The following SNAP47 variants were observed in gnomAD, a reference collection of about 807,000 sequenced individuals.
SNAP47 encodes the protein synaptosomal-associated protein 47.
SNAP47 carries 20 observed loss-of-function variants against 31.4 expected under a neutral mutation model. That is an observed-to-expected ratio of 0.64 (90% CI 0.45 to 0.93). The LOEUF (loss-of-function observed/expected upper bound fraction) is 0.93, where lower values mean the gene tolerates loss of function less well. Among genes scored for constraint, SNAP47 ranks in the 40% least tolerant of loss-of-function variants. The pLI is 0.00. For missense variants in SNAP47, 492 were observed against 528.5 expected (o/e 0.93, Z 0.68); for synonymous variants, 194 against 213.4 (o/e 0.91, Z 0.79).
intron 4 of SNAP47, among the ~76,000 whole-genome samples, chr1:227,777,744 C>A (rs1664246133): frequency 6.6e-6 from 1 of 152,164 alleles, no homozygotes; most frequent in South Asian, 2.1e-4. Context: ...TTAGTGTCAT[C>A]CTGCCAAAGA....
chr1:227,736,994 C>G (rs774961753), intron 1 of SNAP47, among the ~76,000 whole-genome samples: 3 of 152,170 alleles, frequency 2.0e-5, no homozygotes, highest in East Asian at 1.9e-4. Context: ...AGGCCGTTTT[C>G]TTTGTAGTAA....
intron 4 of SNAP47, chr1:227,770,887 A>T (rs1031692700): frequency 4.6e-5 from 7 of 152,260 alleles, no homozygotes; most frequent in African/African-American, 1.7e-4. Flanking sequence ...GAGAAGCTGC[A>T]TGGACACCAT....
intron 1 of SNAP47, among the ~76,000 whole-genome samples, chr1:227,745,403 A>G (rs914060815): frequency 1.3e-5 from 2 of 152,196 alleles, no homozygotes; most frequent in Non-Finnish European, 1.5e-5. Flanking sequence ...ATTTGTAGAA[A>G]GTCTTGATGT....
chr1:227,780,451 TGA>T (rs1218317359), intron 4 of SNAP47, 74 bp from the exon 5 acceptor site: 11 of 1,585,780 alleles, frequency 6.9e-6, no homozygotes, highest in African/African-American at 6.7e-5. Flanking sequence ...CTTGGGTGTG[TGA>T]GAGGGGGAGA....
intron 2 of SNAP47, among the ~76,000 whole-genome samples, chr1:227,754,190 AGCCAAACTCT>A (rs1662551417): frequency 6.6e-6 from 1 of 152,218 alleles, no homozygotes; most frequent in Non-Finnish European, 1.5e-5. Context: ...CAACTGCCCC[AGCCAAACTCT>A]GCATCATTCT....
At chr1:227,769,991 C>T (rs759498235) in intron 4 of SNAP47, among the ~76,000 whole-genome samples, 1 of 152,064 alleles carries the variant, frequency 6.6e-6, no homozygotes, top group Non-Finnish European at 1.5e-5. Context: ...CTGGGTCTGG[C>T]GGGAGAGTGG....
upstream of SNAP47, chr1:227,733,340 G>T (rs1660800015): frequency 1.4e-6 from 2 of 1,464,052 alleles, no homozygotes; most frequent in Non-Finnish European, 1.8e-6. Context: ...CTCTGGCTGG[G>T]AGAGTGGGGA....
At chr1:227,749,839 T>A (rs912515933) in intron 2 of SNAP47, among the ~76,000 whole-genome samples, 2 of 140,682 alleles carry the variant, frequency 1.4e-5, no homozygotes, top group African/African-American at 5.2e-5. Flanking sequence ...CATCTGTGTG[T>A]GTGTGTTTCA....
At position 227,759,290 on chromosome 1, in the gene SNAP47, G is replaced by A. The variant is rs1393021139; in HGVS notation, c.793G>A (p.Glu265Lys). The part of the protein sequence containing the change: ...VDDIKVHSPY[E>K]ISIRQRFIGK... ...CGACATCAAGGTCCACTCACCTTAC[G>A]AAATTAGCATCCGCCAGCGGTTTAT... The change falls in exon 3 of 5, where the codon GAA becomes AAA. Residue 265 changes from glutamate to lysine, a missense_variant. Transcript: ENST00000617596. 9.9e-6 allele frequency: 16 copies of A among 1,614,108 alleles called. No homozygotes were observed. Among genetic ancestry groups the A allele is most frequent in the East Asian group, 4.5e-5 (2 of 44,898 alleles).
upstream of SNAP47, chr1:227,732,149 C>T: frequency 3.4e-6 from 2 of 583,540 alleles, no homozygotes. Context: ...CAGGTCCTGG[C>T]ACCATCTCCG....
Position 227,747,580 on chromosome 1 carries a change from G to A in SNAP47, c.-45-112G>A, listed in dbSNP as rs1018916702. ...CACAGGTGGATCGAGAGTCAGCCAC[G>A]TGCTGCAGCCTGTGTGAGCCCAGAG... On this transcript the variant is annotated intron_variant, in intron 1 of 4. Coordinates refer to ENST00000617596, the MANE Select transcript of SNAP47 (RefSeq NM_053052.4). 5.4e-6 allele frequency: 6 copies of A among 1,106,002 alleles called. No homozygotes were observed. The South Asian group carries it at 6.2e-5, about 11-fold the overall frequency. 68.5% of individuals were successfully genotyped at this position (1,106,002 alleles called of 1,614,324 possible).
At chr1:227,771,851 A>G (rs1663835239) in intron 4 of SNAP47, among the ~76,000 whole-genome samples, 1 of 152,146 alleles carries the variant, frequency 6.6e-6, no homozygotes, top group African/African-American at 2.4e-5. Flanking sequence ...TGCTCACACC[A>G]ACCAGTACCC....
upstream of SNAP47, chr1:227,732,880 C>T (rs760229930): frequency 4.3e-6 from 7 of 1,612,546 alleles, no homozygotes; most frequent in Non-Finnish European, 5.1e-6. Flanking sequence ...AGCCACCCCA[C>T]CTGGCAGTGG....
chr1:227,736,891 A>G (rs1357561811), intron 1 of SNAP47, among the ~76,000 whole-genome samples: 5 of 152,080 alleles, frequency 3.3e-5, no homozygotes, highest in African/African-American at 4.8e-5. Flanking sequence ...ACGGGCAGTA[A>G]GGGAAAAGGG....
chr1:227,747,943 C>T lies in SNAP47; in HGVS notation c.207C>T (p.Thr69=). 5.0e-6 allele frequency: 8 copies of T among 1,614,246 alleles called. No individual in the cohort carries two copies. Among genetic ancestry groups the T allele is most frequent in the Non-Finnish European group, 6.8e-6 (8 of 1,180,050 alleles). ...EASHFIFSSI[T]ILEKGHAKHW... is the part of the protein sequence containing the mutation. ...CACATTTTATCTTCAGCTCCATCACCATCCTGGAGAAGGGCCATGCCAAGC... is the reference window on the plus strand; with the variant it reads ...CACATTTTATCTTCAGCTCCATCACTATCCTGGAGAAGGGCCATGCCAAGC... The change falls in exon 2 of 5, where the codon ACC becomes ACT. Residue 69 remains threonine (T), a synonymous_variant. Transcript: ENST00000617596.
At chr1:227,768,205 C>A in intron 4 of SNAP47, 1 of 888,088 alleles carries the variant, frequency 1.1e-6, no homozygotes, top group Non-Finnish European at 1.3e-6. Flanking sequence ...ATGTGGCGCA[C>A]ATGCAGTCTC....
intron 3 of SNAP47, among the ~76,000 whole-genome samples, chr1:227,761,756 T>G (rs1455140042): frequency 1.3e-5 from 2 of 152,068 alleles, no homozygotes; most frequent in East Asian, 3.9e-4. Context: ...TTTGTGACAT[T>G]CTGTGGAGTT....
At chr1:227,759,776 CAT>C (rs1181565684) in intron 3 of SNAP47, 8 of 425,278 alleles carry the variant, frequency 1.9e-5, no homozygotes, top group African/African-American at 6.0e-5. Context: ...CACCAAAGCT[CAT>C]GTGGAAATTT....
chr1:227,747,719 A>G lies in SNAP47; in HGVS notation c.-18A>G. The G allele has an allele frequency of 6.2e-7, 1 of 1,608,092 alleles. No individual in the cohort carries two copies. The highest frequency in any genetic ancestry group is 8.5e-7 in the Non-Finnish European group (1 of 1,175,468). On this transcript the variant is annotated 5_prime_UTR_variant, in exon 2 of 5. Coordinates refer to ENST00000617596, the MANE Select transcript of SNAP47 (RefSeq NM_053052.4). ...GCAGAAGAGGCCTGGACCTTGGCGC[A>G]CACAGACCCAGGAACAGATGAGCAG...
Sources: allele counts gnomAD v4.1 joint callset (sites outside exome capture counted in the v4.1 genomes callset), GRCh38; gene constraint gnomAD v4.1.1; transcripts MANE v1.5; gene names NCBI Gene and HGNC (gene_info 2026-07-23, HGNC 2026-07-21).